UBE2D4: variants seen among roughly 807,000 people sequenced by gnomAD.
UBE2D4 encodes ubiquitin-conjugating enzyme E2 D4.
UBE2D4 carries 17 observed loss-of-function variants against 23.0 expected under a neutral mutation model. The observed-to-expected ratio is 0.74, with a 90% confidence interval of 0.51 to 1.11. UBE2D4 has a LOEUF of 1.11. UBE2D4 is among the 50% of genes least tolerant of loss of function. The pLI is 0.00. For synonymous variants in UBE2D4, 61 were observed against 69.4 expected, an observed-to-expected ratio of 0.88 and a Z score of 0.60; for missense variants, 139 against 181.8, an observed-to-expected ratio of 0.76 and a Z score of 1.35.
chr7:43,952,263 G>C (rs372077667), intron 6 of UBE2D4: 34 of 214,882 alleles, frequency 1.6e-4, no homozygotes, highest in African/African-American at 7.3e-4. Flanking sequence ...CCAAGCCCTT[G>C]TTCTGGAGTT....
At chr7:43,950,050 T>C (rs550653854) in intron 5 of UBE2D4, among the ~76,000 whole-genome samples, 5 of 152,204 alleles carry the variant, frequency 3.3e-5, no homozygotes, top group African/African-American at 1.2e-4. Context: ...GAGACAGGGT[T>C]TCTCCATGTT....
intron 1 of UBE2D4, among the ~76,000 whole-genome samples, chr7:43,927,749 G>A (rs951075782): frequency 6.6e-6 from 1 of 152,170 alleles, no homozygotes; most frequent in Non-Finnish European, 1.5e-5. Context: ...GGGACCTTGG[G>A]CAAGGCACTT....
chr7:43,929,549 A>G (rs1335843421), intron 1 of UBE2D4, among the ~76,000 whole-genome samples: 2 of 151,984 alleles, frequency 1.3e-5, no homozygotes, highest in Non-Finnish European at 2.9e-5. Flanking sequence ...CAGGAGGTCA[A>G]GGCTGCAGTG....
intron 1 of UBE2D4, among the ~76,000 whole-genome samples, chr7:43,929,716 T>C (rs2132749165): frequency 6.6e-6 from 1 of 152,366 alleles, no homozygotes; most frequent in African/African-American, 2.4e-5. Context: ...TTTGGTTTTA[T>C]GCTCTGCTGT....
chr7:43,946,359 A>G (rs112364418), intron 4 of UBE2D4: 1 of 152,314 alleles, frequency 6.6e-6, no homozygotes, highest in African/African-American at 2.4e-5. Flanking sequence ...AGTCAAATGT[A>G]GGACAGTATA....
At chr7:43,927,922 GTGTAT>G (rs1380035754) in intron 1 of UBE2D4, 2 of 400,852 alleles carry the variant, frequency 5.0e-6, no homozygotes, top group Non-Finnish European at 9.9e-6. Flanking sequence ...GTTACGAACT[GTGTAT>G]TAGTCTGTTT....
At chr7:43,950,143 A>G (rs936662764) in intron 5 of UBE2D4, among the ~76,000 whole-genome samples, 1 of 152,226 alleles carries the variant, frequency 6.6e-6, no homozygotes, top group Non-Finnish European at 1.5e-5. Context: ...GGCAAGAGCC[A>G]CCGCACCTGG....
At chr7:43,929,111 C>T (rs908363695) in intron 1 of UBE2D4, among the ~76,000 whole-genome samples, 1 of 151,812 alleles carries the variant, frequency 6.6e-6, no homozygotes, top group African/African-American at 2.4e-5. Context: ...GGCAACACAG[C>T]AAAATTCCAT....
chr7:43,932,107 A>G (rs570766762), intron 1 of UBE2D4, among the ~76,000 whole-genome samples: 1 of 151,458 alleles, frequency 6.6e-6, no homozygotes, highest in East Asian at 2.0e-4. Context: ...TCCAGCCTCA[A>G]CCTCCCTGAG....
intron 2 of UBE2D4, among the ~76,000 whole-genome samples, chr7:43,939,127 G>A (rs1402639636): frequency 6.6e-6 from 1 of 152,234 alleles, no homozygotes; most frequent in Non-Finnish European, 1.5e-5. Context: ...GGGTGCTGGT[G>A]TAAATATTGT....
At position 43,952,830 on chromosome 7, in the gene UBE2D4, T is replaced by G; in HGVS notation, c.*135T>G. 5.5e-6 allele frequency: 4 copies of G among 723,814 alleles called. No individual in the cohort carries two copies. Among genetic ancestry groups the G allele is most frequent in the Non-Finnish European group, 9.8e-6 (4 of 408,974 alleles). The allele number at this position is 723,814 out of a possible 1,614,324, so 44.8% of individuals were successfully genotyped here. A position where few individuals can be genotyped will look rare whatever the true frequency, so the allele number is the denominator to read the frequency against. Reference sequence around the variant, plus strand: ...TCAAACAAATGTTGGTCACCCACTCTCTCCAGCTGCAGCATGTTGGTGCCA... The same window carrying G: ...TCAAACAAATGTTGGTCACCCACTCGCTCCAGCTGCAGCATGTTGGTGCCA... On this transcript the variant is annotated 3_prime_UTR_variant, in exon 7 of 7. Coordinates refer to ENST00000222402, the MANE Select transcript of UBE2D4 (RefSeq NM_015983.4).
chr7:43,952,689 T>A lies in UBE2D4; in HGVS notation c.438T>A (p.Ala146=), dbSNP rs769220337. Residue 146 remains alanine, a synonymous_variant, in exon 7 of 7, where the codon GCT becomes GCA. Coordinates refer to ENST00000222402, the MANE Select transcript of UBE2D4 (RefSeq NM_015983.4). Reference sequence around the variant, plus strand: ...CAAGAGAGTGGACACAAAAATATGCTATGTAAGTGCCTTGGAGGTTTTACA... The same window carrying A: ...CAAGAGAGTGGACACAAAAATATGCAATGTAAGTGCCTTGGAGGTTTTACA... ...RLAREWTQKY[A]M 2 of 1,613,696 alleles carry A rather than the reference T, an allele frequency of 1.2e-6. No individual in the cohort carries two copies. Among genetic ancestry groups the A allele is most frequent in the South Asian group, 2.2e-5 (2 of 91,076 alleles).
chr7:43,936,900 T>C (rs1342408226), intron 1 of UBE2D4, among the ~76,000 whole-genome samples: 1 of 152,196 alleles, frequency 6.6e-6, no homozygotes, highest in Non-Finnish European at 1.5e-5. Context: ...ACCTGAGTCT[T>C]CTAACCCTGA....
chr7:43,952,285 C>T (rs373871274), intron 6 of UBE2D4: 27 of 226,020 alleles, frequency 1.2e-4, no homozygotes, highest in Admixed American at 4.9e-4. Flanking sequence ...GTGTGCTGGA[C>T]GGCCTGTAAC....
intron 4 of UBE2D4, chr7:43,946,368 T>G (rs988764060): frequency 6.6e-6 from 1 of 152,192 alleles, no homozygotes; most frequent in African/African-American, 2.4e-5. Flanking sequence ...TAGGACAGTA[T>G]ACAGTAGAAA....
intron 2 of UBE2D4, chr7:43,940,982 C>T (rs1402457217): frequency 1.3e-5 from 2 of 152,176 alleles, no homozygotes; most frequent in African/African-American, 4.8e-5. Flanking sequence ...TTGAAAAGGG[C>T]TCATGGGCCA....
intron 2 of UBE2D4, chr7:43,940,766 C>T (rs184816297): frequency 1.3e-5 from 2 of 152,248 alleles, no homozygotes; most frequent in Admixed American, 6.5e-5. Context: ...TCTAACCTTC[C>T]GTTCTGAAAT....
At chr7:43,929,595 G>C (rs998869832) in intron 1 of UBE2D4, among the ~76,000 whole-genome samples, 2 of 152,058 alleles carry the variant, frequency 1.3e-5, no homozygotes, top group African/African-American at 2.4e-5. Context: ...GGCAACCAGA[G>C]TGAGACCCTG....
At chr7:43,950,443 G>A (rs1246619170) in intron 5 of UBE2D4, among the ~76,000 whole-genome samples, 156 bp from the exon 6 acceptor site, 1 of 152,194 alleles carries the variant, frequency 6.6e-6, no homozygotes, top group African/African-American at 2.4e-5. Context: ...TGATACATGG[G>A]ACGGGGCAAG....
Sources: gnomAD v4.1 joint callset for allele counts (sites outside exome capture counted in the v4.1 genomes callset) on GRCh38, gnomAD v4.1.1 for gene constraint, MANE v1.5 for transcripts, NCBI Gene and HGNC (gene_info 2026-07-23, HGNC 2026-07-21) for gene names.